Variants in MACF1 observed in about 807,000 individuals in gnomAD.
The protein encoded by MACF1 is microtubule actin crosslinking factor 1.
A neutral mutation model predicts 854.8 loss-of-function variants in MACF1; 193 were observed. That is an observed-to-expected ratio of 0.23 (90% CI 0.20 to 0.25). MACF1 has a LOEUF of 0.25. Ranked by LOEUF, MACF1 falls within the 10% of genes least tolerant of loss-of-function variation. The pLI, the probability that MACF1 is intolerant of heterozygous loss-of-function variation, is 1.00. For missense variants in MACF1, 7,722 were observed against 8,929.1 expected (o/e 0.86, Z 5.45); for synonymous variants, 3,185 against 3,226.7 (o/e 0.99, Z 0.44).
At position 39,379,345 on chromosome 1, in the gene MACF1, G is replaced by A; in HGVS notation, c.13419G>A (p.Leu4473=). Residue 4473 remains leucine (L), a synonymous_variant, in exon 54 of 101, where the codon CTG becomes CTA. Transcript: ENST00000564288. ...TTCACAAGGAGGCAAACTCTGTGCT[G>A]CAGTGGCTGGAATCAAAAGAGGAAG... The part of the protein sequence containing the change: ...EEVHKEANSV[L]QWLESKEEVL... 2 of 1,614,120 alleles carry A rather than the reference G, an allele frequency of 1.2e-6. No homozygotes were observed. Among genetic ancestry groups the A allele is most frequent in the South Asian group, 2.2e-5 (2 of 91,078 alleles).
Position 39,331,192 on chromosome 1 carries a change from TTTTTTTTTAG to T in MACF1, c.4615-10_4615-1del. The T allele has an allele frequency of 1.0e-6, 1 of 991,554 alleles. No individual in the cohort carries two copies. Among genetic ancestry groups the T allele is most frequent in the Non-Finnish European group, 1.3e-6 (1 of 775,278 alleles). 61.4% of individuals were successfully genotyped at this position (991,554 alleles called of 1,614,324 possible). ...TTTTCCTTTTTTTTTTTTTTTTTTT[TTTTTTTTTAG>T]GAATGCAGAGCAGTTGCTGGGGTGA... On this transcript the variant is annotated splice_acceptor_variant and splice_polypyrimidine_tract_variant and intron_variant, in intron 36 of 100. Transcript: ENST00000564288. LOFTEE classifies it high-confidence loss of function.
intron 2 of MACF1, among the ~76,000 whole-genome samples, chr1:39,184,334 G>A (rs1249357020): frequency 6.6e-6 from 1 of 152,166 alleles, no homozygotes; most frequent in Non-Finnish European, 1.5e-5. Context: ...TTGGAAATGA[G>A]CCTCACATGG....
Position 39,379,506 on chromosome 1 carries a change from C to A in MACF1, c.13518+62C>A, listed in dbSNP as rs550170172. On this transcript the variant is annotated intron_variant, in intron 54 of 100. Transcript: ENST00000564288. ...AGGAAGAGACAGCTGTACCAGTGTT[C>A]CTGCCCAAGCCCAGGTATCTGAGAG... is the stretch of plus-strand genomic sequence containing the variant. 13 of 1,534,290 alleles carry A rather than the reference C, an allele frequency of 8.5e-6. No homozygotes were observed. In the East Asian group the frequency reaches 2.7e-4, roughly 32 times the overall value.
At chr1:39,092,116 G>C (rs1571027231) in intron 2 of MACF1, among the ~76,000 whole-genome samples, 2 of 152,270 alleles carry the variant, frequency 1.3e-5, no homozygotes, top group African/African-American at 4.8e-5. Context: ...TTCTGGGGCT[G>C]GGAAAAGAAA....
intron 41 of MACF1, 151 bp downstream of exon 41, chr1:39,347,361 C>A: frequency 4.5e-6 from 3 of 669,806 alleles, no homozygotes; most frequent in Non-Finnish European, 2.6e-6. Flanking sequence ...TGGTTCTAGT[C>A]CAGGAGGCAC....
chr1:39,384,873 T>C (rs982053821), intron 56 of MACF1, among the ~76,000 whole-genome samples: 3 of 152,102 alleles, frequency 2.0e-5, no homozygotes, highest in African/African-American at 7.2e-5. Flanking sequence ...GTAACTGACA[T>C]TGAAACAGAA....
At chr1:39,390,201 A>G (rs1026833820) in intron 58 of MACF1, among the ~76,000 whole-genome samples, 3 of 152,240 alleles carry the variant, frequency 2.0e-5, no homozygotes, top group Non-Finnish European at 2.9e-5. Flanking sequence ...TGTTTCCATC[A>G]CTAGAGTTAA....
rs1474625820 is a variant in MACF1, at chr1:39,387,865, T to C, written c.15023T>C (p.Met5008Thr). Residue 5008 changes from methionine (M) to threonine (T), a missense_variant, in exon 58 of 101, where the codon ATG (methionine) becomes ACG (threonine). By Grantham distance (81) the Met-to-Thr change is moderately conservative (BLOSUM62 -1). Coordinates refer to ENST00000564288, the MANE Select transcript of MACF1 (RefSeq NM_001394062.1). Reference protein sequence around the residue: ...LQAKTGSLEEMTQRLREFQES... With the variant: ...LQAKTGSLEETTQRLREFQES... ...GCCAAAACAGGGTCACTCGAAGAAA[T>C]GACTCAGAGGCTCAGGGAGTTCCAG... 6.2e-7 allele frequency: 1 copy of C among 1,614,004 alleles called. No homozygotes were observed. Among genetic ancestry groups the C allele is most frequent in the Admixed American group, 1.7e-5 (1 of 60,002 alleles).
In MACF1 at chr1:39,361,398, G is replaced by T. The variant is rs1648180482; in HGVS notation, c.12492G>T (p.Leu4164Phe). 3 of 1,613,952 alleles carry T rather than the reference G, an allele frequency of 1.9e-6. No homozygotes were observed. Among genetic ancestry groups the T allele is most frequent in the Non-Finnish European group, 2.5e-6 (3 of 1,179,962 alleles). The change falls in exon 49 of 101, where the codon TTG becomes TTT. Residue 4164 changes from leucine to phenylalanine, a missense_variant. Physicochemically the swap from Leu to Phe is conservative, Grantham distance 22. Coordinates refer to ENST00000564288, the MANE Select transcript of MACF1 (RefSeq NM_001394062.1). ...ACATTGCTCGGCAAAAGAGCAGCTT[G>T]GAGGCCACCCGTGAGATGGTGACCC... Reference protein sequence around the residue: ...KQDIARQKSSLEATREMVTRF... With the variant: ...KQDIARQKSSFEATREMVTRF...
intron 2 of MACF1, among the ~76,000 whole-genome samples, chr1:39,196,112 C>T (rs1644317016): frequency 6.6e-6 from 1 of 152,170 alleles, no homozygotes; most frequent in African/African-American, 2.4e-5. Context: ...TTATTATCAT[C>T]ATTTTACAGA....
At chr1:39,376,245 T>G (rs1649711438) in intron 52 of MACF1, among the ~76,000 whole-genome samples, 1 of 152,162 alleles carries the variant, frequency 6.6e-6, no homozygotes, top group Non-Finnish European at 1.5e-5. Flanking sequence ...ACTTAGAAAT[T>G]TATGTGAATA....
chr1:39,093,674 C>T (rs865911053), intron 2 of MACF1, among the ~76,000 whole-genome samples: 40 of 151,938 alleles, frequency 2.6e-4, no homozygotes, highest in African/African-American at 6.8e-4. Flanking sequence ...TTAGTAGACA[C>T]GGGGTTTCAT....
rs1645666985 is a variant in MACF1 at position 39,287,450 on chromosome 1, C to T, written c.1673C>T (p.Ser558Phe). ...AAGGCAACCCATTCTTCTTCTACCT[C>T]CTGGTTCCGAAAGCCTATGACTCGG... Reference protein sequence around the residue: ...LTKATHSSSTSWFRKPMTRAE... With the variant: ...LTKATHSSSTFWFRKPMTRAE... Residue 558 changes from serine (S) to phenylalanine (F), a missense_variant, in exon 15 of 101, where the codon TCC (serine) becomes TTC (phenylalanine). By Grantham distance (155) the Ser-to-Phe change is radical (BLOSUM62 -2). Transcript: ENST00000564288. 1 of 1,614,182 alleles carries T rather than the reference C, an allele frequency of 6.2e-7. No individual in the cohort carries two copies. The highest frequency in any genetic ancestry group is 8.5e-7 in the Non-Finnish European group (1 of 1,180,044).
chr1:39,273,565 A>G (rs781446664), intron 6 of MACF1, among the ~76,000 whole-genome samples: 2 of 152,092 alleles, frequency 1.3e-5, no homozygotes, highest in African/African-American at 4.8e-5. Context: ...CAGAAGGTAA[A>G]GTTATAGTTT....
chr1:39,140,180 C>A (rs1331244804), intron 2 of MACF1, among the ~76,000 whole-genome samples: 2 of 152,074 alleles, frequency 1.3e-5, no homozygotes, highest in Non-Finnish European at 2.9e-5. Flanking sequence ...GTCTTGAACT[C>A]CTGACCTGAA....
chr1:39,103,298 G>A (rs1345068216), intron 2 of MACF1: 22 of 309,954 alleles, frequency 7.1e-5, no homozygotes, highest in South Asian at 3.0e-4. Context: ...AAAGTGGCGC[G>A]TGTAGCAGCC....
chr1:39,215,865 A>G (rs1322573846), intron 1 of MACF1, among the ~76,000 whole-genome samples: 1 of 152,064 alleles, frequency 6.6e-6, no homozygotes, highest in Non-Finnish European at 1.5e-5. Flanking sequence ...GCTTATTGCT[A>G]GTTCTTTTAC....
At chr1:39,217,626 C>A (rs72637905) in intron 1 of MACF1, among the ~76,000 whole-genome samples, 1 of 152,054 alleles carries the variant, frequency 6.6e-6, no homozygotes, top group Non-Finnish European at 1.5e-5. Flanking sequence ...TGCCTATAAT[C>A]GCAGCACTTT....
intron 6 of MACF1, among the ~76,000 whole-genome samples, chr1:39,276,330 ACTCGT>A (rs1265581102): frequency 6.6e-6 from 1 of 151,964 alleles, no homozygotes; most frequent in Non-Finnish European, 1.5e-5. Flanking sequence ...GCTCAGAACA[ACTCGT>A]CTCATCCACT....
Sources: gnomAD v4.1 joint callset for allele counts (sites outside exome capture counted in the v4.1 genomes callset) on GRCh38, gnomAD v4.1.1 for gene constraint, MANE v1.5 for transcripts, NCBI Gene and HGNC (gene_info 2026-07-23, HGNC 2026-07-21) for gene names.